The following PDXDC1 variants were observed in gnomAD, a reference collection of about 807,000 sequenced individuals.
PDXDC1 encodes the protein pyridoxal-dependent decarboxylase domain-containing protein 1.
PDXDC1 carries 42 observed loss-of-function variants against 100.1 expected under a neutral mutation model. That is an observed-to-expected ratio of 0.42 (90% confidence interval 0.33 to 0.54). PDXDC1 has a LOEUF of 0.54. PDXDC1 is among the 20% of genes least tolerant of loss of function. The probability of loss-of-function intolerance (pLI) is 0.10; values close to 1 mark genes in which losing one functional copy is unlikely to be tolerated. For missense variants in PDXDC1, 636 were observed against 979.2 expected (o/e 0.65, Z 4.68); for synonymous variants, 260 against 371.7 (o/e 0.70, Z 3.46).
chr16:15,106,455 G>A, intron 16 of PDXDC1: 1 of 1,116,470 alleles, frequency 9.0e-7, no homozygotes, highest in East Asian at 2.5e-5. Flanking sequence ...ATTTCAGATG[G>A]CTGTAAGAGT....
chr16:14,999,604 T>C (rs1476867797), intron 3 of PDXDC1, among the ~76,000 whole-genome samples: 3 of 152,238 alleles, frequency 2.0e-5, no homozygotes, highest in African/African-American at 7.2e-5. Context: ...TAGTTCACTC[T>C]TGAAACCTGT....
chr16:15,055,870 C>T (rs1223545808), intron 16 of PDXDC1: 33 of 1,209,280 alleles, frequency 2.7e-5, no homozygotes, highest in Non-Finnish European at 3.3e-5. Flanking sequence ...GCCCCGAAGC[C>T]CCGCGCCGCG....
chr16:15,077,037 T>C (rs1262136301), intron 16 of PDXDC1, among the ~76,000 whole-genome samples: 1 of 149,762 alleles, frequency 6.7e-6, no homozygotes, highest in Non-Finnish European at 1.5e-5. Flanking sequence ...TGGAATACAA[T>C]GGCAAGATCT....
intron 16 of PDXDC1, chr16:15,130,142 C>T (rs963272707): frequency 1.4e-4 from 185 of 1,354,140 alleles, no homozygotes; most frequent in Non-Finnish European, 1.7e-4. Context: ...AGGATAGAGC[C>T]GAGCCCACCC....
intron 1 of PDXDC1, among the ~76,000 whole-genome samples, chr16:14,979,498 C>T (rs1287826724): frequency 2.6e-5 from 4 of 152,280 alleles, no homozygotes; most frequent in Non-Finnish European, 4.4e-5. Flanking sequence ...CCATATTGAC[C>T]AGGCTGGTCT....
At chr16:15,018,382 C>A (rs1188532909) in intron 11 of PDXDC1, among the ~76,000 whole-genome samples, 1 of 152,226 alleles carries the variant, frequency 6.6e-6, no homozygotes, top group Non-Finnish European at 1.5e-5. Context: ...GCACTGCAGC[C>A]TGGGCGACAG....
intron 6 of PDXDC1, among the ~76,000 whole-genome samples, chr16:15,007,818 A>C (rs1432943691): frequency 2.0e-5 from 3 of 152,292 alleles, no homozygotes; most frequent in African/African-American, 7.2e-5. Context: ...GTTTGGGGAC[A>C]ACAGTCTAAC....
At chr16:14,993,163 T>A (rs2151288584) in intron 1 of PDXDC1, among the ~76,000 whole-genome samples, 1 of 152,398 alleles carries the variant, frequency 6.6e-6, no homozygotes, top group Non-Finnish European at 1.5e-5. Context: ...AAATTATACT[T>A]TAATTTTTAG....
At chr16:15,142,750 G>A (rs1232422084), downstream of PDXDC1, among the ~76,000 whole-genome samples, 5 of 142,328 alleles carry the variant, frequency 3.5e-5, no homozygotes, top group South Asian at 2.4e-4. Flanking sequence ...CCCCCACCCC[G>A]CCCCTCGGGC....
At chr16:15,094,468 G>A (rs1362382030) in intron 16 of PDXDC1, 1 of 573,682 alleles carries the variant, frequency 1.7e-6, no homozygotes, top group Non-Finnish European at 3.1e-6. Flanking sequence ...AGACGGGAAG[G>A]ACCGGCTCCA....
At chr16:14,984,785 G>C (rs1363291312) in intron 1 of PDXDC1, among the ~76,000 whole-genome samples, 1 of 152,124 alleles carries the variant, frequency 6.6e-6, no homozygotes, top group Non-Finnish European at 1.5e-5. Flanking sequence ...AGCCACCGCT[G>C]CCAGCCAAAT....
At chr16:15,136,399 C>G (rs2048347652) in intron 16 of PDXDC1, among the ~76,000 whole-genome samples, 1 of 152,186 alleles carries the variant, frequency 6.6e-6, no homozygotes, top group Non-Finnish European at 1.5e-5. Flanking sequence ...GCGTCCACCT[C>G]TGCATCTGCA....
At chr16:15,102,916 AAC>A (rs1428903150) in intron 16 of PDXDC1, among the ~76,000 whole-genome samples, 1 of 148,666 alleles carries the variant, frequency 6.7e-6, no homozygotes, top group Non-Finnish European at 1.5e-5. Flanking sequence ...CAGCCTGAGC[AAC>A]AGAGAGATAC....
chr16:15,038,093 C>CTTTA lies in PDXDC1; in HGVS notation c.*1822_*1825dup, dbSNP rs765768604. The CTTTA allele has an allele frequency of 4.3e-6, 7 of 1,612,770 alleles. No individual in the cohort carries two copies. Among genetic ancestry groups the CTTTA allele is most frequent in the East Asian group, 2.2e-5 (1 of 44,844 alleles). Reference sequence around the variant, plus strand: ...TCTTCATTTTTTTTGTAGAGTAGGGCTTTATTTCCAGAAAACAGTGTGTGA... The same window carrying CTTTA: ...TCTTCATTTTTTTTGTAGAGTAGGGCTTTATTTATTTCCAGAAAACAGTGTGTGA... On this transcript the variant is annotated 3_prime_UTR_variant, in exon 23 of 23. Coordinates refer to ENST00000396410, the MANE Select transcript of PDXDC1 (RefSeq NM_015027.4).
At chr16:15,147,287 C>A in the PDXDC1 span, among the ~76,000 whole-genome samples, 1 of 152,204 alleles carries the variant, frequency 6.6e-6, no homozygotes, top group Non-Finnish European at 1.5e-5. Context: ...CTCTGTCTGT[C>A]TATAAACCAG....
intron 16 of PDXDC1, chr16:15,073,076 C>A (rs1026608606): frequency 1.2e-6 from 2 of 1,607,070 alleles, no homozygotes; most frequent in African/African-American, 2.7e-5. Flanking sequence ...CGTTATCAAC[C>A]TTACCTATGG....
intron 16 of PDXDC1, among the ~76,000 whole-genome samples, chr16:15,101,252 T>C (rs544471318): frequency 1.3e-5 from 2 of 152,368 alleles, no homozygotes; most frequent in Non-Finnish European, 2.9e-5. Flanking sequence ...GGATACTTGA[T>C]GTGGTTACAC....
chr16:15,028,028 T>C (rs2042753768), intron 14 of PDXDC1, among the ~76,000 whole-genome samples: 1 of 152,274 alleles, frequency 6.6e-6, no homozygotes. Flanking sequence ...CAGTGTCACT[T>C]CCCTGCCCAG....
At chr16:15,137,352 C>T in intron 16 of PDXDC1, 1 of 1,511,888 alleles carries the variant, frequency 6.6e-7, no homozygotes, top group Non-Finnish European at 8.9e-7. Flanking sequence ...GCGAAGGAGG[C>T]ACTAGAGGGC....
Sources: allele counts gnomAD v4.1 joint callset (sites outside exome capture counted in the v4.1 genomes callset), GRCh38; gene constraint gnomAD v4.1.1; transcripts MANE v1.5; gene names NCBI Gene and HGNC (gene_info 2026-07-23, HGNC 2026-07-21).